EPB41: variants seen among roughly 807,000 people sequenced by gnomAD.
EPB41 encodes the protein protein 4.1.
Under a neutral mutation model 108.0 loss-of-function variants are expected in EPB41, and 65 were observed. That is an observed-to-expected ratio of 0.60 (90% CI 0.49 to 0.74). EPB41 has a LOEUF of 0.74. Among genes scored for constraint, EPB41 ranks in the 30% least tolerant of loss-of-function variants. The pLI, the probability that EPB41 is intolerant of heterozygous loss-of-function variation, is 0.00. For synonymous variants in EPB41, 336 were observed against 358.9 expected (o/e 0.94, Z 0.72); for missense variants, 875 against 1,037.0 (o/e 0.84, Z 2.15).
intron 16 of EPB41, among the ~76,000 whole-genome samples, chr1:29,079,916 C>T (rs530911307): frequency 2.6e-5 from 4 of 151,870 alleles, no homozygotes; most frequent in East Asian, 4.0e-4. Flanking sequence ...AGAATTGCTC[C>T]GCCTGGGTGG....
rs748251899 is a variant in EPB41 at position 28,987,663 on chromosome 1, A to G, written c.226A>G (p.Ser76Gly). 6.2e-7 allele frequency: 1 copy of G among 1,614,236 alleles called. No homozygotes were observed. Among genetic ancestry groups the G allele is most frequent in the South Asian group, 1.1e-5 (1 of 91,082 alleles). The stretch of plus-strand genomic sequence containing the variant: ...CAAGAACAAGGAGCGGACATCAGAA[A>G]GCAGAGGACTTTCACGACTATTCTC... ...LTKNKERTSE[S>G]RGLSRLFSSF... The change falls in exon 2 of 21, where the codon AGC becomes GGC. Residue 76 changes from serine to glycine, a missense_variant. By Grantham distance (56) the Ser-to-Gly change is moderately conservative (BLOSUM62 0). This residue lies in a region of EPB41 where 353 missense variants were observed against 393.2 expected (regional missense o/e 0.90). Transcript: ENST00000343067.
At chr1:29,030,735 C>T (rs1365845775) in intron 8 of EPB41, among the ~76,000 whole-genome samples, 1 of 151,604 alleles carries the variant, frequency 6.6e-6, no homozygotes, top group Non-Finnish European at 1.5e-5. Flanking sequence ...CTGATTGTGC[C>T]ACTGCACTCC....
chr1:28,982,099 G>A (rs571727111), intron 1 of EPB41, among the ~76,000 whole-genome samples: 4 of 150,976 alleles, frequency 2.6e-5, no homozygotes, highest in Non-Finnish European at 5.9e-5. Context: ...CTGTGTCCAT[G>A]TGTTCTCGTT....
intron 1 of EPB41, among the ~76,000 whole-genome samples, chr1:28,928,421 C>T (rs2093571107): frequency 6.6e-6 from 1 of 152,122 alleles, no homozygotes; most frequent in African/African-American, 2.4e-5. Context: ...TAGGGGAGAC[C>T]ACAGTTACCC....
chr1:28,950,940 A>G (rs1333679046), intron 1 of EPB41, among the ~76,000 whole-genome samples: 4 of 151,804 alleles, frequency 2.6e-5, no homozygotes, highest in Admixed American at 6.6e-5. Context: ...GGTGCAAGCA[A>G]TTTTTCTGCC....
At chr1:28,991,162 G>A (rs150874761) in intron 2 of EPB41, among the ~76,000 whole-genome samples, 14 of 149,180 alleles carry the variant, frequency 9.4e-5, no homozygotes, top group Admixed American at 8.0e-4. Flanking sequence ...TTTAAAAAGC[G>A]TGTTTGCTTT....
intron 1 of EPB41, among the ~76,000 whole-genome samples, chr1:28,948,390 T>G (rs1220908755): frequency 6.6e-6 from 1 of 150,934 alleles, no homozygotes; most frequent in Non-Finnish European, 1.5e-5. Flanking sequence ...GCCCTTGTAG[T>G]CCCAGCTACT....
At chr1:28,961,034 C>CAAAAA (rs1272961367) in intron 1 of EPB41, among the ~76,000 whole-genome samples, 1 of 51,138 alleles carries the variant, frequency 2.0e-5, no homozygotes, top group African/African-American at 6.9e-5. Context: ...AACCCTGTCT[C>CAAAAA]AAAAAAAAAA....
chr1:28,950,361 G>A (rs2094667180), intron 1 of EPB41, among the ~76,000 whole-genome samples: 1 of 152,174 alleles, frequency 6.6e-6, no homozygotes, highest in African/African-American at 2.4e-5. Context: ...TTTAACTTTA[G>A]GACCAGACTC....
chr1:29,019,879 G>A (rs779742933), intron 7 of EPB41, among the ~76,000 whole-genome samples: 15 of 152,122 alleles, frequency 9.9e-5, no homozygotes, highest in Non-Finnish European at 1.9e-4. Context: ...CTACATAGCA[G>A]TAGTCTTATA....
At position 29,115,609 on chromosome 1, in the gene EPB41, C is replaced by T. The variant is rs112643869; in HGVS notation, c.2497-90C>T. The T allele has an allele frequency of 1.1e-3, 1,227 of 1,103,496 alleles. 7 individuals are homozygous for T. The African/African-American group carries it at 0.016, about 14-fold the overall frequency. The allele number at this position is 1,103,496 out of a possible 1,614,324, so 68.4% of individuals were successfully genotyped here. ...GGTACTGCAGACAGGAGTATTGGATCTGTCAGAACATCAGAGAAATGATGA... is the reference window on the plus strand; with the variant it reads ...GGTACTGCAGACAGGAGTATTGGATTTGTCAGAACATCAGAGAAATGATGA... On this transcript the variant is annotated intron_variant, in intron 19 of 20. Transcript: ENST00000343067. The surrounding 1 kb of genome is among the most constrained non-coding windows in gnomAD (Gnocchi z 4.4).
intron 1 of EPB41, among the ~76,000 whole-genome samples, chr1:28,940,524 C>T (rs1013587054): frequency 1.3e-5 from 2 of 152,042 alleles, no homozygotes; most frequent in African/African-American, 4.8e-5. Context: ...TGGTGGCGGG[C>T]GCCTGTAATC....
At chr1:29,114,008 G>A (rs1276750965) in intron 19 of EPB41, among the ~76,000 whole-genome samples, 1 of 152,186 alleles carries the variant, frequency 6.6e-6, no homozygotes, top group African/African-American at 2.4e-5. Flanking sequence ...AGGGAGGATG[G>A]TCAGGGGCCC....
chr1:29,012,859 G>A (rs1036195296), intron 5 of EPB41, among the ~76,000 whole-genome samples: 26 of 152,078 alleles, frequency 1.7e-4, no homozygotes, highest in Admixed American at 6.6e-4. Context: ...ATAAAAGCTC[G>A]TTTTAAAATG....
rs981130134 is a variant in EPB41 at position 29,015,837 on chromosome 1, C to T, written c.905+70C>T. 4.9e-6 allele frequency: 5 copies of T among 1,018,090 alleles called. No individual in the cohort carries two copies. The Admixed American group carries it at 7.2e-5, about 15-fold the overall frequency. The allele number at this position is 1,018,090 out of a possible 1,614,324, so 63.1% of individuals were successfully genotyped here. On this transcript the variant is annotated intron_variant, in intron 6 of 20. Coordinates refer to ENST00000343067, the MANE Select transcript of EPB41 (RefSeq NM_001376013.1). ...TGTATGATGAGACAGTAATTCTTAC[C>T]ACCATAAGCTCTGCTAATTCCGTAT... is the stretch of plus-strand genomic sequence containing the variant.
At chr1:29,102,391 A>G (rs544501850) in intron 17 of EPB41, among the ~76,000 whole-genome samples, 1 of 152,264 alleles carries the variant, frequency 6.6e-6, no homozygotes, top group Non-Finnish European at 1.5e-5. Context: ...AGGTTTGTAT[A>G]TCAATACACT....
intron 12 of EPB41, among the ~76,000 whole-genome samples, chr1:29,057,444 G>A (rs568360563): frequency 6.6e-6 from 1 of 151,048 alleles, no homozygotes; most frequent in East Asian, 1.9e-4. Context: ...TAGTTAAAGT[G>A]CTGTAATGGG....
In EPB41 at chr1:29,097,785, CTCTT is replaced by C. The variant is rs768006358; in HGVS notation, c.2185-19_2185-16del. Reference sequence around the variant, plus strand: ...ATTGCCTTCAGAAATACTCTAGTAACTCTTTCCTTACTGCTTCACAGCCTCCCCT... The same window carrying C: ...ATTGCCTTCAGAAATACTCTAGTAACTCCTTACTGCTTCACAGCCTCCCCT... On this transcript the variant is annotated intron_variant, in intron 16 of 20. Transcript: ENST00000343067. The C allele has an allele frequency of 2.2e-5, 35 of 1,613,084 alleles. No homozygotes were observed. Among genetic ancestry groups the C allele is most frequent in the Admixed American group, 6.7e-5 (4 of 59,976 alleles).
chr1:29,083,351 T>G (rs776932384), intron 16 of EPB41, among the ~76,000 whole-genome samples: 20 of 152,360 alleles, frequency 1.3e-4, no homozygotes, highest in Non-Finnish European at 2.6e-4. Flanking sequence ...TGCTTGTGAT[T>G]CTAATGTCCT....
Sources: gnomAD v4.1 joint callset for allele counts (sites outside exome capture counted in the v4.1 genomes callset) on GRCh38, gnomAD v4.1.1 for gene constraint, gnomAD v4.1.1 regional missense constraint, Gnocchi (gnomAD v3.1) non-coding constraint, MANE v1.5 for transcripts, NCBI Gene and HGNC (gene_info 2026-07-23, HGNC 2026-07-21) for gene names.